The following DLGAP1 variants were observed in gnomAD, a reference collection of about 807,000 sequenced individuals.
DLGAP1 encodes DLG associated protein 1.
In DLGAP1, 11 loss-of-function variants were observed where a neutral mutation model predicts 90.8. That is an observed-to-expected ratio of 0.12 (90% CI 0.08 to 0.20). DLGAP1 has a LOEUF of 0.20. Ranked by LOEUF, DLGAP1 falls within the 10% of genes least tolerant of loss-of-function variation. The pLI, the probability that DLGAP1 is intolerant of heterozygous loss-of-function variation, is 1.00. For missense variants in DLGAP1, 1,050 were observed against 1,333.8 expected, an observed-to-expected ratio of 0.79 and a Z score of 3.31; for synonymous variants, 558 against 540.7, an observed-to-expected ratio of 1.03 and a Z score of -0.44.
At chr18:4,317,792 T>G (rs2080570028) in intron 1 of DLGAP1, among the ~76,000 whole-genome samples, 1 of 152,224 alleles carries the variant, frequency 6.6e-6, no homozygotes, top group African/African-American at 2.4e-5. Context: ...CTATTGCCAT[T>G]GGGCAGTTAT....
intron 5 of DLGAP1, among the ~76,000 whole-genome samples, chr18:3,781,885 A>T (rs2065209054): frequency 6.6e-6 from 1 of 152,216 alleles, no homozygotes; most frequent in Non-Finnish European, 1.5e-5. Flanking sequence ...TGATGGATTC[A>T]ACTACTTCTC....
At chr18:4,428,301 C>T (rs749127221) in intron 1 of DLGAP1, among the ~76,000 whole-genome samples, 1 of 152,050 alleles carries the variant, frequency 6.6e-6, no homozygotes, top group Non-Finnish European at 1.5e-5. Context: ...GTAGCTGGGG[C>T]CAGGTATGGT....
chr18:3,926,963 G>T (rs2072405989), intron 3 of DLGAP1, among the ~76,000 whole-genome samples: 1 of 152,144 alleles, frequency 6.6e-6, no homozygotes, highest in Admixed American at 6.5e-5. Context: ...ATAGGAGTTT[G>T]CTTGAAGGTG....
rs540555368 is a variant in DLGAP1, at chr18:3,520,744, C to CT, written c.2480-12084dup. Among the ~76,000 whole-genome samples the CT allele has an allele frequency of 4.9e-3, 748 of 152,370 alleles. 3 individuals are homozygous for CT. Among genetic ancestry groups the CT allele is most frequent in the African/African-American group, 0.017 (712 of 41,590 alleles). ...GTTTAAGTGACCTGTTCCATGGGTA[C>CT]TTTATTATGGCAGCCTTAGCAAATT... On this transcript the variant is annotated intron_variant, in intron 10 of 12. Transcript: ENST00000315677.
chr18:3,555,098 G>A (rs1032160779), intron 9 of DLGAP1, among the ~76,000 whole-genome samples: 2 of 151,900 alleles, frequency 1.3e-5, no homozygotes, highest in African/African-American at 2.4e-5. Flanking sequence ...GCCCGATATT[G>A]CTTTTTAAGA....
chr18:3,861,828 A>C (rs1414442363), intron 4 of DLGAP1, among the ~76,000 whole-genome samples: 1 of 152,246 alleles, frequency 6.6e-6, no homozygotes, highest in Admixed American at 6.5e-5. Flanking sequence ...ATCCTGCCTC[A>C]ATAAGCTTTT....
chr18:4,228,534 A>G (rs1199761605), intron 1 of DLGAP1, among the ~76,000 whole-genome samples: 1 of 152,070 alleles, frequency 6.6e-6, no homozygotes, highest in Non-Finnish European at 1.5e-5. Flanking sequence ...GAGATGGTTC[A>G]ACATATGCAA....
chr18:3,610,802 G>A (rs1356038516), intron 7 of DLGAP1, among the ~76,000 whole-genome samples: 1 of 151,952 alleles, frequency 6.6e-6, no homozygotes, highest in Non-Finnish European at 1.5e-5. Flanking sequence ...TCACGCCACT[G>A]CACTCCAGCC....
At chr18:3,882,639 G>A (rs1352949022) in intron 3 of DLGAP1, among the ~76,000 whole-genome samples, 2 of 152,118 alleles carry the variant, frequency 1.3e-5, no homozygotes, top group Non-Finnish European at 2.9e-5. Context: ...CAGCCTCAGG[G>A]AAAAGTCACT....
chr18:3,504,780 A>G (rs1208321828), intron 11 of DLGAP1, among the ~76,000 whole-genome samples: 2 of 152,178 alleles, frequency 1.3e-5, no homozygotes, highest in Admixed American at 6.5e-5. Context: ...AGATAGATAG[A>G]GAAACAGAGA....
intron 2 of DLGAP1, among the ~76,000 whole-genome samples, chr18:4,136,503 C>T (rs1270261496): frequency 2.0e-5 from 3 of 152,128 alleles, no homozygotes; most frequent in Non-Finnish European, 4.4e-5. Context: ...ATGGTGAGCA[C>T]CTTCTCATAT....
chr18:4,011,409 G>A (rs1016626551), intron 2 of DLGAP1, among the ~76,000 whole-genome samples: 1 of 152,106 alleles, frequency 6.6e-6, no homozygotes, highest in South Asian at 2.1e-4. Context: ...GATTGTCAAG[G>A]GGATGTGCAT....
chr18:4,141,559 C>A (rs2076495551), intron 2 of DLGAP1, among the ~76,000 whole-genome samples: 2 of 151,900 alleles, frequency 1.3e-5, no homozygotes, highest in Non-Finnish European at 2.9e-5. Flanking sequence ...CAGTTTTGAC[C>A]TTCTGGACTC....
intron 2 of DLGAP1, among the ~76,000 whole-genome samples, chr18:4,140,695 A>C (rs2076481361): frequency 1.3e-5 from 2 of 151,782 alleles, no homozygotes; most frequent in African/African-American, 2.4e-5. Context: ...GGATTAAAGT[A>C]CTCCCTTTAG....
chr18:3,861,650 T>A (rs748200803), intron 4 of DLGAP1, among the ~76,000 whole-genome samples: 2 of 152,198 alleles, frequency 1.3e-5, no homozygotes, highest in African/African-American at 4.8e-5. Flanking sequence ...GCCCCCACCC[T>A]GCCCTCTACC....
At chr18:3,945,607 A>G (rs1481467482) in intron 3 of DLGAP1, among the ~76,000 whole-genome samples, 1 of 152,202 alleles carries the variant, frequency 6.6e-6, no homozygotes, top group African/African-American at 2.4e-5. Context: ...TCTTTTATGT[A>G]AAACAAAGAT....
chr18:3,644,324 T>C (rs1050647943), intron 7 of DLGAP1, among the ~76,000 whole-genome samples: 1 of 152,226 alleles, frequency 6.6e-6, no homozygotes, highest in Admixed American at 6.5e-5. Context: ...ATACAATCTT[T>C]GACCTCGTAA....
At chr18:4,030,053 C>T (rs889375937) in intron 2 of DLGAP1, among the ~76,000 whole-genome samples, 6 of 152,136 alleles carry the variant, frequency 3.9e-5, no homozygotes, top group Admixed American at 6.5e-5. Context: ...AGAGCAGTGG[C>T]GCGATCTCGG....
chr18:4,174,572 A>G (rs987879871), intron 1 of DLGAP1, among the ~76,000 whole-genome samples: 3 of 151,986 alleles, frequency 2.0e-5, no homozygotes, highest in Admixed American at 1.3e-4. Context: ...TGATCTCATG[A>G]TCCACCCTCC....
Sources: allele counts gnomAD v4.1 joint callset (sites outside exome capture counted in the v4.1 genomes callset), GRCh38; gene constraint gnomAD v4.1.1; transcripts MANE v1.5; gene names NCBI Gene and HGNC (gene_info 2026-07-23, HGNC 2026-07-21).